The following LIN7A variants were observed in gnomAD, a reference collection of about 807,000 sequenced individuals.
LIN7A encodes lin-7 cell polarity scaffold A, also known as protein lin-7 homolog A.
A neutral mutation model predicts 29.8 loss-of-function variants in LIN7A; 25 were observed. That is an observed-to-expected ratio of 0.84 (90% CI 0.61 to 1.17). LIN7A has a LOEUF of 1.17. LIN7A is among the 50% of genes most tolerant of loss of function. LIN7A has a pLI of 0.00. For missense variants in LIN7A, 239 were observed against 287.0 expected (o/e 0.83, Z 1.21); for synonymous variants, 118 against 107.5 (o/e 1.10, Z -0.60).
At chr12:80,900,802 A>T (rs146230397) in intron 1 of LIN7A, among the ~76,000 whole-genome samples, 153 of 152,328 alleles carry the variant, frequency 1.0e-3, no homozygotes, top group African/African-American at 3.4e-3. Context: ...GTTAACAATG[A>T]TACCATGTCA....
chr12:80,889,981 TCTC>T (rs1239399976), intron 1 of LIN7A, among the ~76,000 whole-genome samples: 3 of 152,086 alleles, frequency 2.0e-5, no homozygotes, highest in African/African-American at 7.2e-5. Flanking sequence ...AATTGTTTCT[TCTC>T]CTCCAGCCTC....
At chr12:80,884,159 G>T (rs1262060081) in intron 2 of LIN7A, among the ~76,000 whole-genome samples, 2 of 152,140 alleles carry the variant, frequency 1.3e-5, no homozygotes, top group East Asian at 1.9e-4. Flanking sequence ...TACTTATATT[G>T]GTTACAAATT....
chr12:80,902,379 G>GT (rs35715414), intron 1 of LIN7A, among the ~76,000 whole-genome samples: 7 of 152,048 alleles, frequency 4.6e-5, no homozygotes, highest in African/African-American at 9.6e-5. Flanking sequence ...GTTTAGAATA[G>GT]TTTTTTTCTA....
intron 2 of LIN7A, among the ~76,000 whole-genome samples, chr12:80,865,764 A>G (rs1939363022): frequency 6.6e-6 from 1 of 152,212 alleles, no homozygotes; most frequent in African/African-American, 2.4e-5. Flanking sequence ...AGATGATGAT[A>G]AGTTCCCTTC....
chr12:80,806,078 A>T (rs775784409), intron 5 of LIN7A, among the ~76,000 whole-genome samples: 46 of 151,648 alleles, frequency 3.0e-4, no homozygotes, highest in Non-Finnish European at 5.9e-4. Flanking sequence ...ACTCTGTATT[A>T]AAAAAACAAA....
intron 5 of LIN7A, among the ~76,000 whole-genome samples, chr12:80,802,432 C>T (rs1870765713): frequency 6.6e-6 from 1 of 152,170 alleles, no homozygotes. Context: ...TCTACATGTA[C>T]TGCAGGTATC....
intron 4 of LIN7A, among the ~76,000 whole-genome samples, chr12:80,820,497 A>C (rs1438483774): frequency 6.6e-6 from 1 of 152,182 alleles, no homozygotes; most frequent in Admixed American, 6.5e-5. Flanking sequence ...CACCTTTCAG[A>C]TCTGGAGACT....
intron 4 of LIN7A, among the ~76,000 whole-genome samples, chr12:80,830,745 G>C (rs192205137): frequency 6.6e-6 from 1 of 151,750 alleles, no homozygotes; most frequent in African/African-American, 2.4e-5. Flanking sequence ...CTGGTTTTTC[G>C]TTGCTTCTCT....
intron 2 of LIN7A, among the ~76,000 whole-genome samples, chr12:80,869,664 T>C (rs751366763): frequency 1.3e-5 from 2 of 152,160 alleles, no homozygotes; most frequent in Non-Finnish European, 2.9e-5. Flanking sequence ...AAGAAATAGA[T>C]GTCCAAAAAT....
chr12:80,932,151 A>G (rs1406292992), intron 1 of LIN7A, among the ~76,000 whole-genome samples: 1 of 152,216 alleles, frequency 6.6e-6, no homozygotes, highest in African/African-American at 2.4e-5. Flanking sequence ...ATGAAGTAAT[A>G]AGCTCTGCCT....
intron 2 of LIN7A, among the ~76,000 whole-genome samples, chr12:80,855,088 A>G (rs894196064): frequency 6.6e-6 from 1 of 152,094 alleles, no homozygotes; most frequent in Non-Finnish European, 1.5e-5. Context: ...TAGAATTACA[A>G]TTAGCATCAT....
At chr12:80,918,238 A>AT (rs895048570) in intron 1 of LIN7A, among the ~76,000 whole-genome samples, 3 of 150,732 alleles carry the variant, frequency 2.0e-5, no homozygotes, top group Non-Finnish European at 3.0e-5. Flanking sequence ...TTATTTTTTA[A>AT]TTTTTTTTGT....
chr12:80,821,380 G>A (rs1382252355), intron 4 of LIN7A, among the ~76,000 whole-genome samples: 3 of 152,164 alleles, frequency 2.0e-5, no homozygotes, highest in Non-Finnish European at 4.4e-5. Context: ...GCATAGTAGT[G>A]CCTGGTAAAT....
intron 2 of LIN7A, among the ~76,000 whole-genome samples, chr12:80,873,637 A>G (rs17663656): frequency 0.054 from 8,221 of 152,174 alleles, 250 homozygotes; most frequent in Admixed American, 0.096. Flanking sequence ...TGCATTGTCA[A>G]CAAGGTTATG....
At position 80,889,385 on chromosome 12, in the gene LIN7A, T is replaced by C. The variant is rs569556473; in HGVS notation, c.83-16A>G. The C allele has an allele frequency of 1.4e-6, 2 of 1,433,546 alleles. No individual in the cohort carries two copies. Among genetic ancestry groups the C allele is most frequent in the African/African-American group, 1.4e-5 (1 of 71,066 alleles). The allele number at this position is 1,433,546 out of a possible 1,614,324, so 88.8% of individuals were successfully genotyped here. On this transcript the variant is annotated splice_polypyrimidine_tract_variant and intron_variant, in intron 1 of 5. Coordinates refer to ENST00000552864, the MANE Select transcript of LIN7A (RefSeq NM_004664.4). ...CTTGCAACATCTGAATGAAAAAAAA[T>C]GAAAATAGAGAAACCTAGAATAAAT...
intron 2 of LIN7A, among the ~76,000 whole-genome samples, chr12:80,865,310 G>A (rs1662092162): frequency 1.3e-5 from 2 of 152,038 alleles, no homozygotes; most frequent in African/African-American, 4.8e-5. Context: ...ACATTCATCT[G>A]TCATTTTAAA....
At chr12:80,892,278 A>G (rs1014537142) in intron 1 of LIN7A, among the ~76,000 whole-genome samples, 4 of 152,172 alleles carry the variant, frequency 2.6e-5, no homozygotes, top group South Asian at 2.1e-4. Context: ...CCTAACAAAT[A>G]TCAAGTGTTC....
At chr12:80,919,978 T>C (rs968929031) in intron 1 of LIN7A, among the ~76,000 whole-genome samples, 2 of 152,164 alleles carry the variant, frequency 1.3e-5, no homozygotes, top group Non-Finnish European at 2.9e-5. Context: ...AATCTCTCGG[T>C]GACACATGTG....
rs11614839 is a variant in LIN7A at position 80,876,953 on chromosome 12, C to T, written c.201+12298G>A. Among the ~76,000 whole-genome samples the T allele has an allele frequency of 9.3e-3, 1,406 of 151,878 alleles. 15 individuals are homozygous for T. Among genetic ancestry groups the T allele is most frequent in the Admixed American group, 0.012 (181 of 15,250 alleles). The stretch of plus-strand genomic sequence containing the variant: ...CCTGGCCAACATGATGAAACCCCGT[C>T]TCTACTAAAAATACAAAAACTAGCT... On this transcript the variant is annotated intron_variant, in intron 2 of 5. Transcript: ENST00000552864.
Sources: gnomAD v4.1 joint callset for allele counts (sites outside exome capture counted in the v4.1 genomes callset) on GRCh38, gnomAD v4.1.1 for gene constraint, MANE v1.5 for transcripts, NCBI Gene and HGNC (gene_info 2026-07-23, HGNC 2026-07-21) for gene names.